Variants in CDKAL1 observed in about 807,000 individuals in gnomAD.
CDKAL1 encodes the protein threonylcarbamoyladenosine tRNA methylthiotransferase.
Under a neutral mutation model 68.2 loss-of-function variants are expected in CDKAL1, and 32 were observed. The observed-to-expected ratio is 0.47, with a 90% CI of 0.35 to 0.63. The LOEUF (loss-of-function observed/expected upper bound fraction) is 0.63, where lower values mean the gene tolerates loss of function less well. Ranked by LOEUF, CDKAL1 falls within the 30% of genes least tolerant of loss-of-function variation. CDKAL1 has a pLI of 0.00. For missense variants in CDKAL1, 606 were observed against 696.7 expected, an observed-to-expected ratio of 0.87 and a Z score of 1.47; for synonymous variants, 234 against 244.3, an observed-to-expected ratio of 0.96 and a Z score of 0.39.
intron 9 of CDKAL1, among the ~76,000 whole-genome samples, chr6:20,884,321 T>TA (rs976215273): frequency 4.0e-4 from 60 of 151,820 alleles, no homozygotes; most frequent in African/African-American, 1.3e-3. Context: ...ACAAAAACAC[T>TA]AAAAAAACCC....
chr6:21,139,658 G>A lies in CDKAL1; in HGVS notation c.1299+31195G>A, dbSNP rs148625134. Among the ~76,000 whole-genome samples the A allele has an allele frequency of 4.6e-4, 70 of 151,906 alleles. 1 individual carries two copies. The highest frequency in any genetic ancestry group is 2.3e-3 in the South Asian group (11 of 4,786). On this transcript the variant is annotated intron_variant, in intron 13 of 15. Coordinates refer to ENST00000274695, the MANE Select transcript of CDKAL1 (RefSeq NM_017774.3). ...CCCGAGTAGCTAGGACTACAGGCAC[G>A]CACCACCGTGTAACTAATTTTTAAT...
chr6:20,790,773 G>A (rs575165755), intron 8 of CDKAL1, among the ~76,000 whole-genome samples: 1 of 152,278 alleles, frequency 6.6e-6, no homozygotes, highest in African/African-American at 2.4e-5. Context: ...GGATGCAGGG[G>A]GTGGTCCCCC....
intron 4 of CDKAL1, among the ~76,000 whole-genome samples, chr6:20,585,344 G>T (rs184454572): frequency 1.7e-3 from 256 of 152,206 alleles, no homozygotes; most frequent in Non-Finnish European, 2.1e-3. Flanking sequence ...GAGCCACTGC[G>T]CCCGGCCGAT....
intron 15 of CDKAL1, among the ~76,000 whole-genome samples, chr6:21,228,372 C>G (rs7754027): frequency 0.092 from 14,038 of 152,084 alleles, 1,258 homozygotes; most frequent in African/African-American, 0.24. Context: ...CTTCTCAAAG[C>G]CATCTATGAC....
intron 9 of CDKAL1, among the ~76,000 whole-genome samples, chr6:20,865,144 G>A (rs778497371): frequency 1.3e-5 from 2 of 152,266 alleles, no homozygotes; most frequent in Middle Eastern, 3.4e-3. Flanking sequence ...GCACAGAGAG[G>A]TTACGCTTAG....
chr6:21,202,331 A>C (rs1024930452), intron 15 of CDKAL1, among the ~76,000 whole-genome samples: 32 of 152,288 alleles, frequency 2.1e-4, no homozygotes, highest in African/African-American at 7.5e-4. Context: ...CAAATGCATC[A>C]GCCTGCATGA....
intron 4 of CDKAL1, among the ~76,000 whole-genome samples, chr6:20,625,870 A>G (rs551937409): frequency 5.3e-5 from 8 of 152,232 alleles, no homozygotes; most frequent in Admixed American, 1.3e-4. Context: ...CACCCCTTTG[A>G]CCAATTTTAA....
chr6:21,179,937 C>T (rs1191812946), intron 13 of CDKAL1, among the ~76,000 whole-genome samples: 1 of 152,128 alleles, frequency 6.6e-6, no homozygotes, highest in African/African-American at 2.4e-5. Flanking sequence ...GAGAGGATTG[C>T]TCAAGCCCGG....
At chr6:20,752,580 C>G (rs1284745557) in intron 6 of CDKAL1, among the ~76,000 whole-genome samples, 3 of 152,018 alleles carry the variant, frequency 2.0e-5, no homozygotes, top group Non-Finnish European at 4.4e-5. Flanking sequence ...TAAAGAGTTC[C>G]TATATGCTCT....
chr6:20,535,583 C>T (rs1316218586), intron 2 of CDKAL1, among the ~76,000 whole-genome samples, 189 bp downstream of exon 2: 1 of 152,168 alleles, frequency 6.6e-6, no homozygotes, highest in East Asian at 1.9e-4. Context: ...TTTCATTCAC[C>T]AGCATTGACC....
At chr6:20,901,109 G>C (rs1292708902) in intron 9 of CDKAL1, among the ~76,000 whole-genome samples, 2 of 152,118 alleles carry the variant, frequency 1.3e-5, no homozygotes, top group African/African-American at 4.8e-5. Flanking sequence ...GGGTGAGAGA[G>C]AGAGAGGCCA....
chr6:21,155,886 G>T (rs1418280005), intron 13 of CDKAL1, among the ~76,000 whole-genome samples: 1 of 152,140 alleles, frequency 6.6e-6, no homozygotes, highest in Non-Finnish European at 1.5e-5. Context: ...GATGTTCATT[G>T]CAGAACTGTT....
At chr6:20,903,249 G>A (rs564045152) in intron 9 of CDKAL1, among the ~76,000 whole-genome samples, 2 of 152,106 alleles carry the variant, frequency 1.3e-5, no homozygotes, top group Non-Finnish European at 2.9e-5. Flanking sequence ...CTTAATTTCT[G>A]TTTCAAAGCT....
intron 11 of CDKAL1, among the ~76,000 whole-genome samples, chr6:21,028,408 A>T (rs1769081180): frequency 6.6e-6 from 1 of 152,150 alleles, no homozygotes; most frequent in African/African-American, 2.4e-5. Context: ...ATATTTTCTC[A>T]CCATTTTAGA....
Position 20,539,110 on chromosome 6 carries a change from C to T in CDKAL1, c.-6+3716C>T, listed in dbSNP as rs13207544. Among the ~76,000 whole-genome samples, 10,240 of 152,182 alleles carry T rather than the reference C, an allele frequency of 0.067. 479 individuals are homozygous for T. The highest frequency in any genetic ancestry group is 0.13 in the African/African-American group (5,384 of 41,496). On this transcript the variant is annotated intron_variant, in intron 2 of 15. Transcript: ENST00000274695. The surrounding 1 kb of genome is among the most constrained non-coding windows in gnomAD (Gnocchi z 4.3). Reference sequence around the variant, plus strand: ...ATTTTAGATAAGGTAGTAGGAAAGGCCTCTCCGAGGAGATGTTGTTTGAGT... The same window carrying T: ...ATTTTAGATAAGGTAGTAGGAAAGGTCTCTCCGAGGAGATGTTGTTTGAGT...
intron 5 of CDKAL1, among the ~76,000 whole-genome samples, chr6:20,721,869 A>G (rs538993722): frequency 1.3e-5 from 2 of 151,488 alleles, no homozygotes; most frequent in East Asian, 3.9e-4. Flanking sequence ...AGTAGCTGGG[A>G]CTACAGGCTT....
chr6:20,948,509 G>C (rs1486610991), intron 9 of CDKAL1, among the ~76,000 whole-genome samples: 2 of 152,110 alleles, frequency 1.3e-5, no homozygotes, highest in Admixed American at 6.5e-5. Context: ...ATCTCGATAA[G>C]TTTTTATCAC....
intron 10 of CDKAL1, among the ~76,000 whole-genome samples, chr6:20,965,348 A>T (rs1211669641): frequency 8.3e-6 from 1 of 119,864 alleles, no homozygotes; most frequent in Non-Finnish European, 1.7e-5. Context: ...AGGGGAGGGA[A>T]GAGGGAAGAC....
chr6:20,656,435 A>G (rs1769028540), intron 5 of CDKAL1, among the ~76,000 whole-genome samples: 1 of 152,024 alleles, frequency 6.6e-6, no homozygotes, highest in South Asian at 2.1e-4. Context: ...GAATTAAACT[A>G]AGGCAGAGAA....
Sources: allele counts gnomAD v4.1 joint callset (sites outside exome capture counted in the v4.1 genomes callset), GRCh38; gene constraint gnomAD v4.1.1; non-coding constraint Gnocchi (gnomAD v3.1); transcripts MANE v1.5; gene names NCBI Gene and HGNC (gene_info 2026-07-23, HGNC 2026-07-21).